Variants in OR14A16 observed in about 807,000 individuals in gnomAD.
OR14A16 encodes olfactory receptor family 14 subfamily A member 16, also known as olfactory receptor 14A16.
For synonymous variants in OR14A16, 135 were observed against 137.6 expected, an observed-to-expected ratio of 0.98 and a Z score of 0.13; for missense variants, 341 against 366.5, an observed-to-expected ratio of 0.93 and a Z score of 0.57.
Position 247,815,075 on chromosome 1 carries a change from C to T in OR14A16, c.655G>A (p.Val219Ile), listed in dbSNP as rs529772848. 1.6e-5 allele frequency: 26 copies of T among 1,613,664 alleles called. No homozygotes were observed. The highest frequency in any genetic ancestry group is 5.0e-5 in the Admixed American group (3 of 60,014). The change falls in exon 3 of 3, where the codon GTC becomes ATC. Residue 219 changes from valine to isoleucine, a missense_variant. Val to Ile is a conservative substitution (Grantham distance 29, BLOSUM62 3). Coordinates refer to ENST00000641093, the MANE Select transcript of OR14A16 (RefSeq NM_001001966.2). Reference protein sequence around the residue: ...FIVIIITYVHVFSTVKKIPST... With the variant: ...FIVIIITYVHIFSTVKKIPST... ...GGGATCTTCTTGACTGTAGAGAAGA[C>T]GTGGACATAGGTAATGATGATGACA...
In OR14A16 at chr1:247,815,080, A is replaced by G; in HGVS notation, c.650T>C (p.Val217Ala). ...CCFIVIIITY[V>A]HVFSTVKKIP... ...CTTCTTGACTGTAGAGAAGACGTGG[A>G]CATAGGTAATGATGATGACAATAAA... Residue 217 changes from valine (V) to alanine (A), a missense_variant, in exon 3 of 3, where the codon GTC becomes GCC. Transcript: ENST00000641093. 1.9e-6 allele frequency: 3 copies of G among 1,614,030 alleles called. No individual in the cohort carries two copies. The highest frequency in any genetic ancestry group is 1.3e-5 in the African/African-American group (1 of 75,040).
At chr1:247,821,598 G>A (rs984789102) in intron 1 of OR14A16, among the ~76,000 whole-genome samples, 2 of 112,970 alleles carry the variant, frequency 1.8e-5, no homozygotes, top group Non-Finnish European at 4.3e-5. Context: ...TACCCATTTG[G>A]ATGGAATATC....
intron 1 of OR14A16, among the ~76,000 whole-genome samples, chr1:247,820,865 A>C (rs916543637): frequency 4.5e-5 from 5 of 111,850 alleles, no homozygotes; most frequent in Non-Finnish European, 6.6e-5. Flanking sequence ...CGTCTCAAAA[A>C]AAAAAAAAAA....
intron 2 of OR14A16, among the ~76,000 whole-genome samples, chr1:247,818,696 C>T (rs921103839): frequency 1.3e-5 from 2 of 151,938 alleles, no homozygotes; most frequent in African/African-American, 2.4e-5. Flanking sequence ...ATGGTGTTTC[C>T]CAGAGACTGA....
chr1:247,817,198 T>C (rs1463081631), intron 2 of OR14A16, among the ~76,000 whole-genome samples: 1 of 151,458 alleles, frequency 6.6e-6, no homozygotes, highest in Non-Finnish European at 1.5e-5. Flanking sequence ...TCTTCTTTGG[T>C]TCTTTCTTTT....
chr1:247,820,860 C>CAAA (rs35415698), intron 1 of OR14A16, among the ~76,000 whole-genome samples: 1 of 120,850 alleles, frequency 8.3e-6, no homozygotes, highest in African/African-American at 2.9e-5. Flanking sequence ...AGCACCGTCT[C>CAAA]AAAAAAAAAA....
intron 1 of OR14A16, among the ~76,000 whole-genome samples, chr1:247,819,779 G>A (rs1349793408): frequency 1.3e-5 from 2 of 152,102 alleles, no homozygotes; most frequent in Non-Finnish European, 2.9e-5. Flanking sequence ...TGCATAAAAT[G>A]CCCTGTTGAA....
chr1:247,815,197 TCA>T lies in OR14A16; in HGVS notation c.531_532del (p.Cys177Ter). On this transcript the variant is annotated stop_gained and frameshift_variant, in exon 3 of 3. Transcript: ENST00000641093. LOFTEE classifies it low-confidence loss of function (END_TRUNC). ...AGAAATAGCTAATAACTGGGGAATG[TCA>T]CAGAAGAACTGATGGACCATGTTGG... The T allele has an allele frequency of 6.2e-7, 1 of 1,613,124 alleles. No individual in the cohort carries two copies. Among genetic ancestry groups the T allele is most frequent in the Non-Finnish European group, 8.5e-7 (1 of 1,179,710 alleles).
chr1:247,815,464 G>C lies in OR14A16; in HGVS notation c.266C>G (p.Ser89Cys). Residue 89 changes from serine to cysteine, a missense_variant, in exon 3 of 3, where the codon TCC (serine) becomes TGC (cysteine). By Grantham distance (112) the Ser-to-Cys change is moderately radical (BLOSUM62 -1). Transcript: ENST00000641093. The part of the protein sequence containing the change: ...SIANSLIHNN[S>C]ISFLGCVSQV... ...GGAAACACAGCCAAGGAATGAAATG[G>C]AGTTGTTGTGTATCAAAGAATTGGC... 2 of 1,614,022 alleles carry C rather than the reference G, an allele frequency of 1.2e-6. No homozygotes were observed. Among genetic ancestry groups the C allele is most frequent in the Non-Finnish European group, 1.7e-6 (2 of 1,180,004 alleles).
chr1:247,816,165 A>G (rs1662618300), intron 2 of OR14A16, among the ~76,000 whole-genome samples: 1 of 152,218 alleles, frequency 6.6e-6, no homozygotes, highest in Admixed American at 6.5e-5. Context: ...CCCATGACTA[A>G]CAGGACCTCA....
chr1:247,816,668 G>A (rs1662627933), intron 2 of OR14A16, among the ~76,000 whole-genome samples: 2 of 151,968 alleles, frequency 1.3e-5, no homozygotes, highest in Admixed American at 1.3e-4. Context: ...GGCGGAGGCT[G>A]CAGTGAGCCG....
At chr1:247,821,201 G>A (rs1175319673) in intron 1 of OR14A16, among the ~76,000 whole-genome samples, 1 of 152,178 alleles carries the variant, frequency 6.6e-6, no homozygotes, top group Non-Finnish European at 1.5e-5. Flanking sequence ...GCTGAATAAT[G>A]TTTTATGTGC....
chr1:247,815,202 G>A lies in OR14A16; in HGVS notation c.528C>T (p.Phe176=), dbSNP rs763427823. 4.3e-6 allele frequency: 7 copies of A among 1,611,634 alleles called. No individual in the cohort carries two copies. The East Asian group carries it at 1.1e-4, about 26-fold the overall frequency. ...YCGSNMVHQF[F]CDIPQLLAIS... ...TAGCTAATAACTGGGGAATGTCACAGAAGAACTGATGGACCATGTTGGACC... is the reference window on the plus strand; with the variant it reads ...TAGCTAATAACTGGGGAATGTCACAAAAGAACTGATGGACCATGTTGGACC... The change falls in exon 3 of 3, where the codon TTC becomes TTT. Residue 176 remains phenylalanine, a synonymous_variant. Transcript: ENST00000641093.
chr1:247,823,036 T>G (rs1239841291), intron 1 of OR14A16, among the ~76,000 whole-genome samples: 4 of 152,224 alleles, frequency 2.6e-5, no homozygotes, highest in African/African-American at 9.6e-5. Context: ...CCCTATTGAT[T>G]TGTATTCCTT....
chr1:247,815,878 T>C, intron 2 of OR14A16, 134 bp from the exon 3 acceptor site: 1 of 468,874 alleles, frequency 2.1e-6, no homozygotes, highest in Non-Finnish European at 3.7e-6. Flanking sequence ...CATGCCAATT[T>C]GCCACAAAAA....
Position 247,815,566 on chromosome 1 carries a change from G to T in OR14A16, c.164C>A (p.Thr55Asn), listed in dbSNP as rs1356488545. The T allele has an allele frequency of 2.5e-6, 4 of 1,613,942 alleles. No homozygotes were observed. The highest frequency in any genetic ancestry group is 3.3e-5 in the Admixed American group (2 of 59,992). Residue 55 changes from threonine to asparagine, a missense_variant, in exon 3 of 3, where the codon ACC becomes AAC. Coordinates refer to ENST00000641093, the MANE Select transcript of OR14A16 (RefSeq NM_001001966.2). ...MITTLDHHLH[T>N]PVYFFLKNLS... ...ATTCTTCAAGAAGAAATACACGGGGGTGTGGAGATGATGGTCCAAAGTTGT... is the reference window on the plus strand; with the variant it reads ...ATTCTTCAAGAAGAAATACACGGGGTTGTGGAGATGATGGTCCAAAGTTGT...
Position 247,819,122 on chromosome 1 carries a change from G to T in OR14A16, c.-75C>A, listed in dbSNP as rs989341240. On this transcript the variant is annotated 5_prime_UTR_variant, in exon 2 of 3. Transcript: ENST00000641093. ...ATGTCTTCTGAGGCTTGTTTTCAAT[G>T]CTTCTTTATTCATTTATAGAGTGCT... The T allele has an allele frequency of 6.6e-6, 1 of 152,132 alleles. No homozygotes were observed. Among genetic ancestry groups the T allele is most frequent in the Non-Finnish European group, 1.5e-5 (1 of 68,028 alleles). 9.4% of individuals were successfully genotyped at this position (152,132 alleles called of 1,614,324 possible).
Position 247,814,720 on chromosome 1 carries a change from G to T in OR14A16, c.*80C>A, listed in dbSNP as rs969922396. 3 of 669,860 alleles carry T rather than the reference G, an allele frequency of 4.5e-6. No homozygotes were observed. In the African/African-American group the frequency reaches 5.6e-5, roughly 13 times the overall value. 41.5% of individuals were successfully genotyped at this position (669,860 alleles called of 1,614,324 possible). The stretch of plus-strand genomic sequence containing the variant: ...TGTCTTTTTAAATTTTTACTTTTAA[G>T]AATTAGAGATAAAAATGAAGAATTA... On this transcript the variant is annotated 3_prime_UTR_variant, in exon 3 of 3. Coordinates refer to ENST00000641093, the MANE Select transcript of OR14A16 (RefSeq NM_001001966.2).
chr1:247,815,574 A>G lies in OR14A16; in HGVS notation c.156T>C (p.His52=). ...AGAAGAAATACACGGGGGTGTGGAG[A>G]TGATGGTCCAAAGTTGTGATCATGA... The part of the protein sequence containing the change: ...LIIMITTLDH[H]LHTPVYFFLK... Residue 52 remains histidine (H), a synonymous_variant, in exon 3 of 3, where the codon CAT becomes CAC. Coordinates refer to ENST00000641093, the MANE Select transcript of OR14A16 (RefSeq NM_001001966.2). The G allele has an allele frequency of 6.2e-7, 1 of 1,614,106 alleles. No homozygotes were observed. The highest frequency in any genetic ancestry group is 1.1e-5 in the South Asian group (1 of 91,076).
Sources: gnomAD v4.1 joint callset for allele counts (sites outside exome capture counted in the v4.1 genomes callset) on GRCh38, gnomAD v4.1.1 for gene constraint, MANE v1.5 for transcripts, NCBI Gene and HGNC (gene_info 2026-07-23, HGNC 2026-07-21) for gene names.